The following HIVEP2 variants were observed in gnomAD, a reference collection of about 807,000 sequenced individuals.
HIVEP2 encodes the protein transcription factor HIVEP2.
A neutral mutation model predicts 180.7 loss-of-function variants in HIVEP2; 14 were observed. The ratio of observed to expected loss-of-function variants is 0.08; its 90% confidence interval spans 0.05 to 0.12. The LOEUF (loss-of-function observed/expected upper bound fraction) is 0.12. Ranked by LOEUF, HIVEP2 falls within the 10% of genes least tolerant of loss-of-function variation. The pLI, the probability that HIVEP2 is intolerant of heterozygous loss-of-function variation, is 1.00. For missense variants in HIVEP2, 2,579 were observed against 3,008.5 expected, an observed-to-expected ratio of 0.86 and a Z score of 3.34; for synonymous variants, 1,184 against 1,136.4, an observed-to-expected ratio of 1.04 and a Z score of -0.84.
chr6:142,900,732 A>G (rs1009063080), intron 1 of HIVEP2, among the ~76,000 whole-genome samples: 2 of 152,182 alleles, frequency 1.3e-5, no homozygotes, highest in African/African-American at 4.8e-5. Flanking sequence ...GGATCATGTA[A>G]AAGACCAGAG....
chr6:142,797,648 C>G (rs1413395123), intron 2 of HIVEP2, among the ~76,000 whole-genome samples: 1 of 152,080 alleles, frequency 6.6e-6, no homozygotes, highest in Non-Finnish European at 1.5e-5. Context: ...TAGGTGAGAA[C>G]AGTACAATAA....
chr6:142,892,889 A>G (rs1051338846), intron 1 of HIVEP2, among the ~76,000 whole-genome samples: 2 of 152,114 alleles, frequency 1.3e-5, no homozygotes, highest in Admixed American at 1.3e-4. Context: ...GCTCGCTACA[A>G]CTCTCAGAAG....
intron 1 of HIVEP2, among the ~76,000 whole-genome samples, chr6:142,888,857 T>C (rs1411938687): frequency 6.6e-6 from 1 of 152,160 alleles, no homozygotes; most frequent in Non-Finnish European, 1.5e-5. Flanking sequence ...GGAAATAAAA[T>C]AACTATCCTC....
At chr6:142,787,645 T>C (rs1278982021) in intron 2 of HIVEP2, among the ~76,000 whole-genome samples, 1 of 151,138 alleles carries the variant, frequency 6.6e-6, no homozygotes, top group African/African-American at 2.4e-5. Flanking sequence ...AAGAAGAGGC[T>C]GCGAAGGACT....
intron 3 of HIVEP2, among the ~76,000 whole-genome samples, chr6:142,776,972 T>TTA (rs1562512078): frequency 6.6e-6 from 1 of 152,176 alleles, no homozygotes; most frequent in East Asian, 1.9e-4. Context: ...ACTTGACAAC[T>TTA]AAGTAATCGT....
intron 2 of HIVEP2, among the ~76,000 whole-genome samples, chr6:142,823,557 G>A (rs1777098562): frequency 6.6e-6 from 1 of 152,226 alleles, no homozygotes; most frequent in South Asian, 2.1e-4. Context: ...AGATGGTGTG[G>A]ACGCAACAGA....
At chr6:142,939,135 T>C (rs1046146119) in intron 1 of HIVEP2, among the ~76,000 whole-genome samples, 2 of 152,178 alleles carry the variant, frequency 1.3e-5, no homozygotes, top group African/African-American at 4.8e-5. Flanking sequence ...ACTTAAAATG[T>C]TCAAATTGAC....
At chr6:142,855,304 T>C (rs73777809) in intron 1 of HIVEP2, among the ~76,000 whole-genome samples, 78 of 152,274 alleles carry the variant, frequency 5.1e-4, no homozygotes, top group African/African-American at 1.7e-3. Flanking sequence ...AAATGCTGAC[T>C]GTGAGGATGA....
chr6:142,878,457 A>G (rs1348950801), intron 1 of HIVEP2, among the ~76,000 whole-genome samples: 1 of 152,168 alleles, frequency 6.6e-6, no homozygotes, highest in Non-Finnish European at 1.5e-5. Context: ...TGTGGGTGTG[A>G]ATTCATGAAT....
In HIVEP2 at chr6:142,911,122, AC is replaced by A. The variant is rs553825372; in HGVS notation, c.-641+33976del. Among the ~76,000 whole-genome samples, 4 of 149,866 alleles carry A rather than the reference AC, an allele frequency of 2.7e-5. No homozygotes were observed. In the South Asian group the frequency reaches 8.5e-4, roughly 32 times the overall value. On this transcript the variant is annotated intron_variant, in intron 1 of 9. Transcript: ENST00000367603. The stretch of plus-strand genomic sequence containing the variant: ...GAGAGTTTCCACTTTAATATGGAAG[AC>A]AAAGCACAAACACATTAAAAAAAAA...
Position 142,772,687 on chromosome 6 carries a change from T to G in HIVEP2, c.2052A>C (p.Val684=), listed in dbSNP as rs377429315. Residue 684 remains valine, a synonymous_variant, in exon 5 of 10, where the codon GTA becomes GTC. Transcript: ENST00000367603. This position sits in a 1 kb window ranked among gnomAD's most constrained non-coding sequence, Gnocchi z 4.9. ...FMDPVVPLQG[V]PSMFGTTCEN... is the part of the protein sequence containing the mutation. ...CACAGGTAGTTCCAAACATGCTTGG[T>G]ACTCCCTGCAATGGCACCACGGGAT... 3.2e-5 allele frequency: 52 copies of G among 1,614,238 alleles called. No individual in the cohort carries two copies. The highest frequency in any genetic ancestry group is 3.3e-4 in the Middle Eastern group (2 of 6,060).
At position 142,752,963 on chromosome 6, in the gene HIVEP2, C is replaced by T. The variant is rs1047139092; in HGVS notation, c.*144G>A. On this transcript the variant is annotated 3_prime_UTR_variant, in exon 10 of 10. Coordinates refer to ENST00000367603, the MANE Select transcript of HIVEP2 (RefSeq NM_006734.4). ...TGATGACTTGTTAATTTACCTAATT[C>T]TTTTGATATAACAAAAGTATATATA... The T allele has an allele frequency of 9.8e-6, 6 of 612,398 alleles. No homozygotes were observed. Among genetic ancestry groups the T allele is most frequent in the Non-Finnish European group, 1.7e-5 (6 of 346,316 alleles). 37.9% of individuals were successfully genotyped at this position (612,398 alleles called of 1,614,324 possible). A position where few individuals can be genotyped will look rare whatever the true frequency, so the allele number is the denominator to read the frequency against.
chr6:142,849,298 A>G (rs1562263326), intron 1 of HIVEP2, among the ~76,000 whole-genome samples: 1 of 152,178 alleles, frequency 6.6e-6, no homozygotes, highest in Non-Finnish European at 1.5e-5. Flanking sequence ...AGTAATCAGT[A>G]GACATTTGTG....
In HIVEP2 at chr6:142,769,671, T is replaced by C. The variant is rs761467582; in HGVS notation, c.5068A>G (p.Thr1690Ala). The change falls in exon 5 of 10, where the codon ACG becomes GCG. Residue 1690 changes from threonine to alanine, a missense_variant. Physicochemically the swap from Thr to Ala is moderately conservative, Grantham distance 58. This residue lies in a region of HIVEP2 where 349 missense variants were observed against 367.2 expected (regional missense o/e 0.95). Coordinates refer to ENST00000367603, the MANE Select transcript of HIVEP2 (RefSeq NM_006734.4). ...PNPSGLNTKT[T>A]LALLRSKQKI... ...TGCTTGGACCTCAGAAGAGCCAGCG[T>C]GGTCTTGGTGTTCAATCCTGATGGG... The C allele has an allele frequency of 6.2e-7, 1 of 1,614,186 alleles. No homozygotes were observed. The highest frequency in any genetic ancestry group is 8.5e-7 in the Non-Finnish European group (1 of 1,180,032).
At chr6:142,863,966 T>C (rs1202487890) in intron 1 of HIVEP2, among the ~76,000 whole-genome samples, 3 of 152,220 alleles carry the variant, frequency 2.0e-5, no homozygotes, top group Non-Finnish European at 4.4e-5. Context: ...GAAATGTTTA[T>C]ACTGCTGTAA....
intron 7 of HIVEP2, among the ~76,000 whole-genome samples, chr6:142,762,470 ACACACACACACACAC>A (rs1400726213): frequency 9.8e-5 from 14 of 143,500 alleles, no homozygotes; most frequent in Non-Finnish European, 1.9e-4. Flanking sequence ...ACACACACAC[ACACACACACACACAC>A]ACACACACAT....
chr6:142,815,912 A>C (rs957787525), intron 2 of HIVEP2, among the ~76,000 whole-genome samples: 1 of 152,216 alleles, frequency 6.6e-6, no homozygotes, highest in South Asian at 2.1e-4. Context: ...TAGAAACTCA[A>C]TATCCTTTAA....
At chr6:142,921,872 A>G (rs1013086139) in intron 1 of HIVEP2, among the ~76,000 whole-genome samples, 5 of 152,218 alleles carry the variant, frequency 3.3e-5, no homozygotes, top group Non-Finnish European at 7.3e-5. Context: ...TAAATAGTCA[A>G]TCACCCTAAA....
At chr6:142,932,125 A>T (rs1259315635) in intron 1 of HIVEP2, among the ~76,000 whole-genome samples, 1 of 152,158 alleles carries the variant, frequency 6.6e-6, no homozygotes, top group Non-Finnish European at 1.5e-5. Flanking sequence ...TTACCGCTTC[A>T]CTTACATCAT....
Sources: allele counts gnomAD v4.1 joint callset (sites outside exome capture counted in the v4.1 genomes callset), GRCh38; gene constraint gnomAD v4.1.1; regional missense constraint gnomAD v4.1.1; non-coding constraint Gnocchi (gnomAD v3.1); transcripts MANE v1.5; gene names NCBI Gene and HGNC (gene_info 2026-07-23, HGNC 2026-07-21).